Variants in PUS7 observed in about 807,000 individuals in gnomAD.
PUS7 encodes the protein pseudouridine synthase 7.
In PUS7, 48 loss-of-function variants were observed where a neutral mutation model predicts 79.8. The observed-to-expected ratio is 0.60, with a 90% CI of 0.48 to 0.76. The LOEUF (loss-of-function observed/expected upper bound fraction) is 0.76. Among genes scored for constraint, PUS7 ranks in the 30% least tolerant of loss-of-function variants. The probability of loss-of-function intolerance (pLI) is 0.00; values close to 1 mark genes in which losing one functional copy is unlikely to be tolerated. For synonymous variants in PUS7, 286 were observed against 272.2 expected (o/e 1.05, Z -0.50); for missense variants, 729 against 797.6 (o/e 0.91, Z 1.04).
rs756814711 is a variant in PUS7 at position 105,508,386 on chromosome 7, C to A, written c.127G>T (p.Gly43Cys). ...QKLSECSLTK[G>C]QDGLQNDFLS... is the part of the protein sequence containing the mutation. ...AAGTCATTCTGTAGCCCATCTTGAC[C>A]TTTGGTTAGACTGCATTCCGACAGC... Residue 43 changes from glycine to cysteine, a missense_variant, in exon 2 of 16, where the codon GGT (glycine) becomes TGT (cysteine). Coordinates refer to ENST00000469408, the MANE Select transcript of PUS7 (RefSeq NM_019042.5). The A allele has an allele frequency of 6.2e-7, 1 of 1,614,092 alleles. No homozygotes were observed. Among genetic ancestry groups the A allele is most frequent in the East Asian group, 2.2e-5 (1 of 44,872 alleles).
chr7:105,512,829 A>G (rs1825752278), intron 1 of PUS7, among the ~76,000 whole-genome samples: 1 of 152,254 alleles, frequency 6.6e-6, no homozygotes, highest in Non-Finnish European at 1.5e-5. Flanking sequence ...AATCTAGGCA[A>G]GAAATTAATA....
chr7:105,506,400 A>C, intron 2 of PUS7, 127 bp from the exon 3 acceptor site: 1 of 656,732 alleles, frequency 1.5e-6, no homozygotes. Flanking sequence ...TCTTCAGTGC[A>C]AAATCACATG....
intron 5 of PUS7, among the ~76,000 whole-genome samples, chr7:105,501,400 A>C (rs1825242495): frequency 6.6e-6 from 1 of 152,152 alleles, no homozygotes; most frequent in Non-Finnish European, 1.5e-5. Flanking sequence ...GTAGGTGAAA[A>C]AAAAAATTAC....
At chr7:105,516,091 G>A (rs1825883942) in intron 1 of PUS7, among the ~76,000 whole-genome samples, 1 of 152,068 alleles carries the variant, frequency 6.6e-6, no homozygotes, top group Admixed American at 6.6e-5. Flanking sequence ...TTACAGGCGT[G>A]AGCCACCACG....
intron 1 of PUS7, among the ~76,000 whole-genome samples, chr7:105,513,228 T>C (rs1825765193): frequency 6.6e-6 from 1 of 152,226 alleles, no homozygotes; most frequent in Admixed American, 6.5e-5. Context: ...CAGGAGATCC[T>C]GATGCCCTTC....
intron 5 of PUS7, among the ~76,000 whole-genome samples, chr7:105,501,635 C>T (rs976691954): frequency 2.0e-5 from 3 of 151,982 alleles, no homozygotes; most frequent in Non-Finnish European, 4.4e-5. Flanking sequence ...AATATAGGGG[C>T]CTGGCAAAAA....
At chr7:105,486,535 G>A (rs1824555937) in intron 7 of PUS7, among the ~76,000 whole-genome samples, 1 of 152,076 alleles carries the variant, frequency 6.6e-6, no homozygotes, top group South Asian at 2.1e-4. Context: ...ATTAACCCAG[G>A]GATTGTATCC....
chr7:105,494,759 C>T (rs529082560), intron 6 of PUS7, among the ~76,000 whole-genome samples: 16 of 152,002 alleles, frequency 1.1e-4, no homozygotes, highest in Non-Finnish European at 2.2e-4. Context: ...GTGAGGACTG[C>T]TTGAGCACAG....
chr7:105,480,375 C>T (rs1306622495), intron 9 of PUS7, among the ~76,000 whole-genome samples: 1 of 151,128 alleles, frequency 6.6e-6, no homozygotes, highest in African/African-American at 2.4e-5. Flanking sequence ...CTTGGGATGC[C>T]GAGGCAGGAG....
intron 1 of PUS7, among the ~76,000 whole-genome samples, chr7:105,508,769 G>A (rs1049311955): frequency 2.0e-5 from 3 of 150,924 alleles, no homozygotes; most frequent in African/African-American, 7.3e-5. Flanking sequence ...GCTCTTGGGA[G>A]GCTGAGGCAG....
rs1019815807 is a variant in PUS7 at position 105,482,298 on chromosome 7, C to T, written c.1049+14G>A. The T allele has an allele frequency of 2.5e-6, 4 of 1,612,122 alleles. No individual in the cohort carries two copies. On this transcript the variant is annotated intron_variant, in intron 8 of 15. Coordinates refer to ENST00000469408, the MANE Select transcript of PUS7 (RefSeq NM_019042.5). Reference sequence around the variant, plus strand: ...CAGACCCTCTGGTCTACATTCCCACCTGCAGTTCTTTACCTGAGAACAACA... The same window carrying T: ...CAGACCCTCTGGTCTACATTCCCACTTGCAGTTCTTTACCTGAGAACAACA...
chr7:105,479,827 G>C (rs1007837494), intron 9 of PUS7, among the ~76,000 whole-genome samples: 2 of 150,860 alleles, frequency 1.3e-5, no homozygotes, highest in African/African-American at 4.9e-5. Flanking sequence ...ACAAAACCTC[G>C]GCTCTACTAA....
chr7:105,519,890 C>T (rs1215518696), intron 1 of PUS7, among the ~76,000 whole-genome samples: 2 of 152,140 alleles, frequency 1.3e-5, no homozygotes, highest in Non-Finnish European at 2.9e-5. Context: ...CCAGGCAGCC[C>T]GAACAGCACG....
At chr7:105,470,223 G>A (rs1823817497) in intron 11 of PUS7, 1 of 152,532 alleles carries the variant, frequency 6.6e-6, no homozygotes, top group African/African-American at 2.4e-5. Context: ...TGCTCAGGCT[G>A]GAGTGCATGG....
At position 105,470,977 on chromosome 7, in the gene PUS7, C is replaced by G. The variant is rs1027206471; in HGVS notation, c.1238-129G>C. 40 of 1,011,866 alleles carry G rather than the reference C, an allele frequency of 4.0e-5. No homozygotes were observed. The African/African-American group carries it at 5.7e-4, about 14-fold the overall frequency. 62.7% of individuals were successfully genotyped at this position (1,011,866 alleles called of 1,614,324 possible). On this transcript the variant is annotated intron_variant, in intron 10 of 15. Coordinates refer to ENST00000469408, the MANE Select transcript of PUS7 (RefSeq NM_019042.5). Reference sequence around the variant, plus strand: ...AAATATAGGTGCTGTTTATAGCTACCACTCATCTGAGGAAGCGCAAAGATG... The same window carrying G: ...AAATATAGGTGCTGTTTATAGCTACGACTCATCTGAGGAAGCGCAAAGATG...
intron 5 of PUS7, among the ~76,000 whole-genome samples, chr7:105,495,741 T>A (rs1266090933): frequency 6.6e-6 from 1 of 151,854 alleles, no homozygotes; most frequent in Non-Finnish European, 1.5e-5. Flanking sequence ...CAAGACCCTG[T>A]CTCAAAAAAT....
At chr7:105,491,740 T>A in intron 6 of PUS7, 123 bp from the exon 7 acceptor site, 1 of 624,644 alleles carries the variant, frequency 1.6e-6, no homozygotes, top group Non-Finnish European at 2.7e-6. Context: ...AAGAGAAGAA[T>A]GAGGAGAAAC....
intron 8 of PUS7, among the ~76,000 whole-genome samples, chr7:105,481,888 G>T (rs1031611807): frequency 6.6e-6 from 1 of 151,950 alleles, no homozygotes; most frequent in African/African-American, 2.4e-5. Flanking sequence ...CTGCCACCAC[G>T]CCCGGCTAAT....
intron 7 of PUS7, 85 bp from the exon 8 acceptor site, chr7:105,482,525 A>C (rs765430313): frequency 2.1e-6 from 3 of 1,399,014 alleles, no homozygotes; most frequent in Non-Finnish European, 2.9e-6. Flanking sequence ...GGAACAGTAC[A>C]GAAAACAAGA....
Sources: gnomAD v4.1 joint callset for allele counts (sites outside exome capture counted in the v4.1 genomes callset) on GRCh38, gnomAD v4.1.1 for gene constraint, MANE v1.5 for transcripts, NCBI Gene and HGNC (gene_info 2026-07-23, HGNC 2026-07-21) for gene names.